The following CALN1 variants were observed in gnomAD, a reference collection of about 807,000 sequenced individuals.
The protein encoded by CALN1 is calcium-binding protein 8.
A neutral mutation model predicts 30.6 loss-of-function variants in CALN1; 17 were observed. That is an observed-to-expected ratio of 0.56 (90% CI 0.38 to 0.83). CALN1 has a LOEUF of 0.83. Among genes scored for constraint, CALN1 ranks in the 40% least tolerant of loss-of-function variants. CALN1 has a pLI of 0.00. For missense variants in CALN1, 291 were observed against 354.9 expected (o/e 0.82, Z 1.45); for synonymous variants, 156 against 131.4 (o/e 1.19, Z -1.28).
chr7:71,993,896 G>A (rs1799097253), intron 5 of CALN1, among the ~76,000 whole-genome samples: 1 of 152,122 alleles, frequency 6.6e-6, no homozygotes. Context: ...TGTACATTAT[G>A]AACCTGCAAG....
intron 2 of CALN1, among the ~76,000 whole-genome samples, chr7:72,300,023 G>A (rs1307396396): frequency 6.6e-6 from 1 of 151,996 alleles, no homozygotes; most frequent in Non-Finnish European, 1.5e-5. Flanking sequence ...TGGGATTACA[G>A]GCGCATGCCA....
At chr7:72,319,236 G>C (rs1466959878) in intron 2 of CALN1, among the ~76,000 whole-genome samples, 1 of 152,090 alleles carries the variant, frequency 6.6e-6, no homozygotes, top group Non-Finnish European at 1.5e-5. Flanking sequence ...CCCGAGACTG[G>C]ACAATTTACA....
At chr7:71,930,200 T>C (rs990830228) in intron 5 of CALN1, among the ~76,000 whole-genome samples, 2 of 152,208 alleles carry the variant, frequency 1.3e-5, no homozygotes, top group Non-Finnish European at 2.9e-5. Context: ...AATCCACAGA[T>C]GCAGAACCCA....
At chr7:72,353,838 A>G (rs2129559430) in intron 2 of CALN1, among the ~76,000 whole-genome samples, 1 of 152,352 alleles carries the variant, frequency 6.6e-6, no homozygotes, top group Middle Eastern at 3.4e-3. Context: ...TAACAAGGTC[A>G]CAGAATACAA....
At chr7:71,847,841 G>A (rs12535008) in intron 5 of CALN1, among the ~76,000 whole-genome samples, 2,078 of 87,246 alleles carry the variant, frequency 0.024, 59 homozygotes, top group African/African-American at 0.14. Context: ...GAAGGAGAAG[G>A]AGAAGGAGAA....
chr7:71,891,606 G>C (rs1256728111), intron 5 of CALN1, among the ~76,000 whole-genome samples: 3 of 152,176 alleles, frequency 2.0e-5, no homozygotes, highest in African/African-American at 7.2e-5. Context: ...GTTCTTGAGA[G>C]AACTAAAAGT....
rs1585169753 is a variant in CALN1 at position 72,209,141 on chromosome 7, C to T, written c.244+69545G>A. ...TTACTCCTTCCTTCTCTCCCTCTTT[C>T]ATTCCTTCCCCCCTTCTCCCTTGAC... On this transcript the variant is annotated intron_variant, in intron 3 of 6. Transcript: ENST00000395275. Among the ~76,000 whole-genome samples, 3 of 143,072 alleles carry T rather than the reference C, an allele frequency of 2.1e-5. No individual in the cohort carries two copies. The South Asian group carries it at 7.1e-4, about 34-fold the overall frequency. The allele number at this position is 143,072 out of a possible 152,430, so 93.9% of individuals were successfully genotyped here.
chr7:72,485,118 G>C, the CALN1 span, among the ~76,000 whole-genome samples: 82 of 152,264 alleles, frequency 5.4e-4, no homozygotes, highest in African/African-American at 1.9e-3. Context: ...ACCTAGGCAT[G>C]GTAGTATGTG....
chr7:71,793,747 G>A, intron 6 of CALN1, among the ~76,000 whole-genome samples: 1 of 152,024 alleles, frequency 6.6e-6, no homozygotes, highest in African/African-American at 2.4e-5. Context: ...ACGGTGTTGT[G>A]TGCCTGTAAT....
intron 3 of CALN1, among the ~76,000 whole-genome samples, chr7:72,218,750 C>T (rs1168927760): frequency 6.6e-6 from 1 of 152,196 alleles, no homozygotes; most frequent in African/African-American, 2.4e-5. Context: ...GTCATTAAGA[C>T]CTTCTTATGG....
At chr7:72,327,590 C>T (rs765557468) in intron 2 of CALN1, among the ~76,000 whole-genome samples, 2 of 152,134 alleles carry the variant, frequency 1.3e-5, no homozygotes, top group Non-Finnish European at 1.5e-5. Context: ...AATAATTAGC[C>T]AAGCTGTCGA....
chr7:72,030,708 C>A (rs999047656), intron 4 of CALN1, among the ~76,000 whole-genome samples: 2 of 152,070 alleles, frequency 1.3e-5, no homozygotes, highest in African/African-American at 4.8e-5. Context: ...ACTGGGCACG[C>A]ACAACGTGGT....
chr7:72,212,116 G>C (rs1333526809), intron 3 of CALN1, among the ~76,000 whole-genome samples: 3 of 152,084 alleles, frequency 2.0e-5, no homozygotes, highest in Non-Finnish European at 4.4e-5. Flanking sequence ...ACTTTGGGAG[G>C]CCAAGGCGGG....
rs544704907 is a variant in CALN1 at position 72,359,908 on chromosome 7, C to T, written c.119+43343G>A. 4.3e-5 allele frequency among the ~76,000 whole-genome samples: 6 copies of T among 138,544 alleles called. No homozygotes were observed. The East Asian group carries it at 1.1e-3, about 26-fold the overall frequency. 90.9% of individuals were successfully genotyped at this position (138,544 alleles called of 152,430 possible). On this transcript the variant is annotated intron_variant, in intron 2 of 6. Coordinates refer to ENST00000395275, the MANE Select transcript of CALN1 (RefSeq NM_031468.4). Reference sequence around the variant, plus strand: ...AGGAGAACGGCATGAACCCAGGAGGCGGAGCTTGCAGTGAGCCAAAATCAC... The same window carrying T: ...AGGAGAACGGCATGAACCCAGGAGGTGGAGCTTGCAGTGAGCCAAAATCAC...
intron 4 of CALN1, among the ~76,000 whole-genome samples, chr7:72,061,182 A>T (rs539764447): frequency 6.6e-6 from 1 of 152,234 alleles, no homozygotes; most frequent in Non-Finnish European, 1.5e-5. Flanking sequence ...GGAGGATTTA[A>T]AGAAGAGCCG....
At chr7:72,165,363 C>T (rs1050469370) in intron 3 of CALN1, among the ~76,000 whole-genome samples, 3 of 152,074 alleles carry the variant, frequency 2.0e-5, no homozygotes, top group Admixed American at 6.6e-5. Flanking sequence ...AGTTTGAGAC[C>T]AGCCTGGCCA....
chr7:71,796,666 G>A (rs1303756110), intron 6 of CALN1, among the ~76,000 whole-genome samples: 15 of 152,060 alleles, frequency 9.9e-5, no homozygotes, highest in African/African-American at 3.4e-4. Flanking sequence ...CTTATGTTTC[G>A]TTTTTTCAAG....
intron 5 of CALN1, among the ~76,000 whole-genome samples, chr7:71,986,988 C>T (rs557335429): frequency 1.1e-4 from 16 of 152,004 alleles, no homozygotes; most frequent in Admixed American, 3.9e-4. Context: ...ATTAGCCGGG[C>T]GGTAGTATAC....
chr7:72,404,885 A>G (rs368641516), intron 1 of CALN1, among the ~76,000 whole-genome samples: 12 of 152,350 alleles, frequency 7.9e-5, no homozygotes, highest in African/African-American at 2.9e-4. Flanking sequence ...GCTCAAATGA[A>G]AGAGGCTCAG....
Sources: allele counts gnomAD v4.1 joint callset (sites outside exome capture counted in the v4.1 genomes callset), GRCh38; gene constraint gnomAD v4.1.1; transcripts MANE v1.5; gene names NCBI Gene and HGNC (gene_info 2026-07-23, HGNC 2026-07-21).